The following PTGER3 variants were observed in gnomAD, a reference collection of about 807,000 sequenced individuals.
The protein encoded by PTGER3 is prostaglandin E2 receptor EP3 subtype.
PTGER3 carries 22 observed loss-of-function variants against 34.7 expected under a neutral mutation model. That is an observed-to-expected ratio of 0.63 (90% CI 0.45 to 0.91). PTGER3 has a LOEUF of 0.91. Ranked by LOEUF, PTGER3 falls within the 40% of genes least tolerant of loss-of-function variation. The pLI is 0.00. For missense variants in PTGER3, 468 were observed against 519.4 expected (o/e 0.90, Z 0.96); for synonymous variants, 241 against 230.1 (o/e 1.05, Z -0.43).
chr1:71,012,564 T>C lies in PTGER3; in HGVS notation c.898-80A>G. On this transcript the variant is annotated intron_variant, in intron 1 of 3. Coordinates refer to ENST00000306666, the MANE Select transcript of PTGER3 (RefSeq NM_198719.2). ...CCTCTACACTGTACTTTGCACATAGTTGGTTTTCAATAAATTGGTTGTTGG... is the reference window on the plus strand; with the variant it reads ...CCTCTACACTGTACTTTGCACATAGCTGGTTTTCAATAAATTGGTTGTTGG... 9.3e-6 allele frequency: 12 copies of C among 1,291,626 alleles called. No individual in the cohort carries two copies. In the South Asian group the frequency reaches 1.7e-4, roughly 18 times the overall value. The allele number at this position is 1,291,626 out of a possible 1,614,324, so 80.0% of individuals were successfully genotyped here.
At chr1:71,041,454 A>T (rs1344476161) in intron 1 of PTGER3, among the ~76,000 whole-genome samples, 1 of 152,192 alleles carries the variant, frequency 6.6e-6, no homozygotes, top group Admixed American at 6.5e-5. Context: ...TTCCTTTCAC[A>T]CCATCATGAA....
chr1:70,953,884 G>A (rs1651033453), intron 2 of PTGER3: 2 of 571,360 alleles, frequency 3.5e-6, no homozygotes, highest in East Asian at 3.4e-5. Flanking sequence ...AATGAAAATA[G>A]CTATTTCTGT....
chr1:70,963,790 C>A (rs1181293401), intron 2 of PTGER3, among the ~76,000 whole-genome samples: 4 of 152,180 alleles, frequency 2.6e-5, no homozygotes, highest in African/African-American at 9.7e-5. Flanking sequence ...TCACATTGGG[C>A]TCCTGGTTAC....
At chr1:70,987,710 C>CA (rs1243856406) in intron 2 of PTGER3, among the ~76,000 whole-genome samples, 1 of 152,140 alleles carries the variant, frequency 6.6e-6, no homozygotes, top group Non-Finnish European at 1.5e-5. Context: ...GGCATAACCA[C>CA]AACCACCCAA....
chr1:70,973,128 GT>G lies in PTGER3; in HGVS notation c.1169+1168del, dbSNP rs1437259395. ...AACAGTACCCAGTGTGCACGTGTGT[GT>G]GTGTGTGTGTGTGTGTGTGTGTGTG... On this transcript the variant is annotated intron_variant, in intron 3 of 3. Transcript: ENST00000306666. 3.4e-3 allele frequency among the ~76,000 whole-genome samples: 512 copies of G among 148,912 alleles called. 3 individuals carry two copies. The highest frequency in any genetic ancestry group is 0.012 in the African/African-American group (474 of 39,660).
chr1:70,998,683 G>GC, intron 2 of PTGER3, among the ~76,000 whole-genome samples: 1 of 152,230 alleles, frequency 6.6e-6, no homozygotes, highest in African/African-American at 2.4e-5. Flanking sequence ...TTGATTTAAT[G>GC]CCCCTTTTAA....
chr1:70,975,327 C>T (rs1653578044), intron 2 of PTGER3, among the ~76,000 whole-genome samples: 1 of 151,894 alleles, frequency 6.6e-6, no homozygotes, highest in Non-Finnish European at 1.5e-5. Context: ...TTACACATCT[C>T]CTAAATTCAT....
chr1:71,006,874 C>A, intron 2 of PTGER3: 1 of 985,338 alleles, frequency 1.0e-6, no homozygotes, highest in Non-Finnish European at 1.2e-6. Flanking sequence ...GAATATTCAA[C>A]TTTATTTTCC....
intron 2 of PTGER3, among the ~76,000 whole-genome samples, chr1:71,003,477 C>A (rs1411447381): frequency 1.3e-5 from 2 of 152,144 alleles, no homozygotes; most frequent in Admixed American, 1.3e-4. Flanking sequence ...CAAGGCAAAA[C>A]TAAAACAACA....
intron 2 of PTGER3, among the ~76,000 whole-genome samples, chr1:70,976,354 GGT>G (rs1653700983): frequency 6.6e-6 from 1 of 152,030 alleles, no homozygotes; most frequent in Non-Finnish European, 1.5e-5. Context: ...GTAATAATGC[GGT>G]GTCCTTGTAG....
At chr1:70,978,960 G>C (rs905079241) in intron 2 of PTGER3, among the ~76,000 whole-genome samples, 1 of 152,078 alleles carries the variant, frequency 6.6e-6, no homozygotes, top group Non-Finnish European at 1.5e-5. Flanking sequence ...TTCTCTTTCT[G>C]CTCTATCACT....
chr1:71,044,341 G>A (rs934666440), intron 1 of PTGER3, among the ~76,000 whole-genome samples: 5 of 150,644 alleles, frequency 3.3e-5, no homozygotes, highest in Non-Finnish European at 5.9e-5. Flanking sequence ...AAAGGCTGAG[G>A]CAGTAGAATC....
downstream of PTGER3, among the ~76,000 whole-genome samples, chr1:70,969,882 G>A (rs1040292616): frequency 3.9e-5 from 6 of 152,156 alleles, no homozygotes; most frequent in African/African-American, 1.4e-4. Flanking sequence ...GATCTATCGT[G>A]TAACACTCAT....
At chr1:70,926,236 T>C (rs1021023296) in intron 4 of PTGER3, among the ~76,000 whole-genome samples, 4 of 152,210 alleles carry the variant, frequency 2.6e-5, no homozygotes, top group African/African-American at 9.6e-5. Flanking sequence ...GGTAGCTTGA[T>C]GGGGATGCCA....
chr1:70,975,505 A>G (rs547321426), intron 2 of PTGER3, among the ~76,000 whole-genome samples: 20 of 152,206 alleles, frequency 1.3e-4, no homozygotes, highest in African/African-American at 4.8e-4. Flanking sequence ...GGCTTTCTAA[A>G]GTTTTTTTTT....
intron 1 of PTGER3, among the ~76,000 whole-genome samples, chr1:71,039,763 A>T (rs1660145059): frequency 6.6e-6 from 1 of 151,956 alleles, no homozygotes; most frequent in South Asian, 2.1e-4. Flanking sequence ...TTCCCCAATG[A>T]ACTATAACTA....
chr1:71,001,586 G>C (rs1328016286), intron 2 of PTGER3, among the ~76,000 whole-genome samples: 1 of 152,190 alleles, frequency 6.6e-6, no homozygotes, highest in Non-Finnish European at 1.5e-5. Flanking sequence ...CCTGTGAGCT[G>C]TTTTCCAGGA....
downstream of PTGER3, among the ~76,000 whole-genome samples, chr1:70,965,969 A>T (rs1029448211): frequency 6.6e-6 from 1 of 152,218 alleles, no homozygotes. Flanking sequence ...GAGATTTAGC[A>T]TTTGAGTTTT....
chr1:71,018,156 G>T (rs551945827), intron 1 of PTGER3, among the ~76,000 whole-genome samples: 40 of 152,206 alleles, frequency 2.6e-4, no homozygotes, highest in Middle Eastern at 3.4e-3. Flanking sequence ...AAACAAATAT[G>T]CCCACACACT....
Sources: allele counts gnomAD v4.1 joint callset (sites outside exome capture counted in the v4.1 genomes callset), GRCh38; gene constraint gnomAD v4.1.1; transcripts MANE v1.5; gene names NCBI Gene and HGNC (gene_info 2026-07-23, HGNC 2026-07-21).